PLCL1: variants seen among roughly 807,000 people sequenced by gnomAD.
PLCL1 encodes phospholipase C like 1 (inactive).
Under a neutral mutation model 84.4 loss-of-function variants are expected in PLCL1, and 41 were observed. The ratio of observed to expected loss-of-function variants is 0.49; its 90% CI spans 0.38 to 0.63. The LOEUF is 0.63. Ranked by LOEUF, PLCL1 falls within the 30% of genes least tolerant of loss-of-function variation. The pLI, the probability that PLCL1 is intolerant of heterozygous loss-of-function variation, is 0.00. For synonymous variants in PLCL1, 490 were observed against 488.3 expected (o/e 1.00, Z -0.05); for missense variants, 1,206 against 1,367.8 (o/e 0.88, Z 1.87).
intron 1 of PLCL1, among the ~76,000 whole-genome samples, chr2:197,936,508 T>C (rs1215803848): frequency 6.6e-6 from 1 of 152,256 alleles, no homozygotes; most frequent in Non-Finnish European, 1.5e-5. Flanking sequence ...ATTAGTGATG[T>C]TGAACATGTT....
chr2:197,868,198 A>C (rs1687583686), intron 1 of PLCL1, among the ~76,000 whole-genome samples: 1 of 152,182 alleles, frequency 6.6e-6, no homozygotes, highest in African/African-American at 2.4e-5. Context: ...TATGAATATT[A>C]CTTCTAGCTA....
Position 198,084,877 on chromosome 2 carries a change from C to G in PLCL1, c.1360C>G (p.Pro454Ala). Residue 454 changes from proline to alanine, a missense_variant, in exon 2 of 6, where the codon CCA (proline) becomes GCA (alanine). Pro to Ala is a conservative substitution (Grantham distance 27). Coordinates refer to ENST00000428675, the MANE Select transcript of PLCL1 (RefSeq NM_006226.4). ...TGTAAGTGATGGTTCAGATAATGAA[C>G]CAATCCTTTGTAATCGAAATAACAT... The part of the protein sequence containing the change: ...LDVSDGSDNE[P>A]ILCNRNNMTT... The G allele has an allele frequency of 6.2e-7, 1 of 1,613,968 alleles. No homozygotes were observed. The highest frequency in any genetic ancestry group is 8.5e-7 in the Non-Finnish European group (1 of 1,179,956).
intron 1 of PLCL1, among the ~76,000 whole-genome samples, chr2:197,993,971 A>G (rs1211905931): frequency 6.6e-6 from 1 of 152,174 alleles, no homozygotes; most frequent in South Asian, 2.1e-4. Flanking sequence ...TTCTCAAACC[A>G]CAGGCTTTTC....
chr2:197,837,472 G>T (rs1574905673), intron 1 of PLCL1, among the ~76,000 whole-genome samples: 1 of 152,308 alleles, frequency 6.6e-6, no homozygotes, highest in South Asian at 2.1e-4. Flanking sequence ...AGGACATCAG[G>T]AGTATGTTAG....
intron 3 of PLCL1, among the ~76,000 whole-genome samples, chr2:198,098,879 C>A (rs922604762): frequency 6.6e-6 from 1 of 152,078 alleles, no homozygotes; most frequent in African/African-American, 2.4e-5. Context: ...GTAAAGTTTT[C>A]TTTTTAAAGA....
In PLCL1 at chr2:197,847,951, T is replaced by G. The variant is rs72920776; in HGVS notation, c.240+42612T>G. Reference sequence around the variant, plus strand: ...TAGCTTGAGTCAGAGAGTGCAGCTGTGCAATTTAAGATGTGTTTTCCTATC... The same window carrying G: ...TAGCTTGAGTCAGAGAGTGCAGCTGGGCAATTTAAGATGTGTTTTCCTATC... On this transcript the variant is annotated intron_variant, in intron 1 of 5. Coordinates refer to ENST00000428675, the MANE Select transcript of PLCL1 (RefSeq NM_006226.4). Among the ~76,000 whole-genome samples, 902 of 152,278 alleles carry G rather than the reference T, an allele frequency of 5.9e-3. 2 individuals carry two copies. Among genetic ancestry groups the G allele is most frequent in the Middle Eastern group, 0.027 (8 of 294 alleles).
intron 1 of PLCL1, among the ~76,000 whole-genome samples, chr2:197,922,329 G>A (rs1401926631): frequency 1.1e-5 from 1 of 91,034 alleles, no homozygotes; most frequent in Non-Finnish European, 2.3e-5. Flanking sequence ...AGGGTTGGGG[G>A]TAAGGTCACA....
intron 1 of PLCL1, among the ~76,000 whole-genome samples, chr2:197,902,539 TC>T (rs1319973843): frequency 6.6e-6 from 1 of 152,208 alleles, no homozygotes; most frequent in Non-Finnish European, 1.5e-5. Context: ...GAAAATATTT[TC>T]CTGTTTTTTA....
At chr2:198,068,470 T>G (rs1692370396) in intron 1 of PLCL1, among the ~76,000 whole-genome samples, 1 of 152,218 alleles carries the variant, frequency 6.6e-6, no homozygotes, top group Admixed American at 6.5e-5. Context: ...GATTCACACT[T>G]CCTGAGGTGA....
At chr2:197,950,414 C>T (rs1689366418) in intron 1 of PLCL1, among the ~76,000 whole-genome samples, 1 of 152,118 alleles carries the variant, frequency 6.6e-6, no homozygotes, top group Non-Finnish European at 1.5e-5. Flanking sequence ...GACTAATATT[C>T]AGGGAAATTG....
In PLCL1 at chr2:198,089,085, T is replaced by A. The variant is rs750608045; in HGVS notation, c.2919+24T>A. 1.5e-5 allele frequency: 24 copies of A among 1,553,134 alleles called. No individual in the cohort carries two copies. In the Admixed American group the frequency reaches 4.0e-4, roughly 26 times the overall value. ...TGGTAGGAAATTGCGACTCCATATT[T>A]TTTTACGTGTGTGTGTGTGTGAAAT... On this transcript the variant is annotated intron_variant, in intron 3 of 5. Transcript: ENST00000428675.
chr2:197,900,252 G>T (rs1688239801), intron 1 of PLCL1, among the ~76,000 whole-genome samples: 1 of 152,152 alleles, frequency 6.6e-6, no homozygotes, highest in Non-Finnish European at 1.5e-5. Context: ...ATAAATACAT[G>T]CAAGACAGCT....
rs767301034 is a variant in PLCL1 at position 198,084,772 on chromosome 2, G to T, written c.1255G>T (p.Glu419Ter). 6 of 1,614,024 alleles carry T rather than the reference G, an allele frequency of 3.7e-6. No individual in the cohort carries two copies. The highest frequency in any genetic ancestry group is 5.1e-6 in the Non-Finnish European group (6 of 1,179,978). The change falls in exon 2 of 6, where the codon GAA becomes TAA. Residue 419 changes from glutamate (E) to a stop codon, truncating the protein, a stop_gained. Coordinates refer to ENST00000428675, the MANE Select transcript of PLCL1 (RefSeq NM_006226.4). LOFTEE classifies it high-confidence loss of function. ...TGCCTCTCATAACACCTATCTAATA[G>T]AAGACCAGTTCAGGGGGCCAGCTGA... ...INASHNTYLI[E>*]DQFRGPADIN...
chr2:197,847,928 G>A (rs1687152946), intron 1 of PLCL1, among the ~76,000 whole-genome samples: 1 of 152,148 alleles, frequency 6.6e-6, no homozygotes, highest in African/African-American at 2.4e-5. Context: ...TTGCTAGGTA[G>A]CTTGAGTCAG....
intron 5 of PLCL1, among the ~76,000 whole-genome samples, chr2:198,124,365 A>G (rs1026692081): frequency 2.0e-5 from 3 of 152,162 alleles, no homozygotes; most frequent in Non-Finnish European, 4.4e-5. Flanking sequence ...ATTACTAATT[A>G]GCATGATGGT....
intron 1 of PLCL1, among the ~76,000 whole-genome samples, chr2:197,928,899 A>G (rs1312658098): frequency 6.6e-6 from 1 of 152,202 alleles, no homozygotes; most frequent in Non-Finnish European, 1.5e-5. Flanking sequence ...TACCTGGAAA[A>G]ATATACCACC....
chr2:197,976,415 G>A (rs1262110181), intron 1 of PLCL1, among the ~76,000 whole-genome samples: 1 of 152,092 alleles, frequency 6.6e-6, no homozygotes, highest in Non-Finnish European at 1.5e-5. Flanking sequence ...TTGGCCTGAG[G>A]ACATTACGGA....
intron 1 of PLCL1, among the ~76,000 whole-genome samples, chr2:197,875,861 C>T (rs1273605347): frequency 2.0e-5 from 3 of 152,120 alleles, no homozygotes; most frequent in Non-Finnish European, 2.9e-5. Context: ...GTGAGACAGG[C>T]TGGTATTGCA....
intron 5 of PLCL1, among the ~76,000 whole-genome samples, chr2:198,115,984 T>G (rs184797392): frequency 1.7e-4 from 25 of 147,754 alleles, no homozygotes; most frequent in African/African-American, 5.4e-4. Context: ...ATATACTTAT[T>G]AAATATATAA....
Sources: allele counts gnomAD v4.1 joint callset (sites outside exome capture counted in the v4.1 genomes callset), GRCh38; gene constraint gnomAD v4.1.1; transcripts MANE v1.5; gene names NCBI Gene and HGNC (gene_info 2026-07-23, HGNC 2026-07-21).